Variants in UNC45B observed in about 807,000 individuals in gnomAD.
The protein encoded by UNC45B is unc-45 myosin chaperone B, also known as protein unc-45 homolog B.
In UNC45B, 78 loss-of-function variants were observed where a neutral mutation model predicts 98.7. That is an observed-to-expected ratio of 0.79 (90% CI 0.66 to 0.95). The LOEUF (loss-of-function observed/expected upper bound fraction) is 0.95. UNC45B is among the 40% of genes least tolerant of loss of function. The pLI is 0.00. For synonymous variants in UNC45B, 462 were observed against 480.4 expected (o/e 0.96, Z 0.50); for missense variants, 1,225 against 1,184.9 (o/e 1.03, Z -0.50).
intron 6 of UNC45B, 77 bp downstream of exon 6, chr17:35,154,818 C>A: frequency 2.1e-6 from 3 of 1,430,244 alleles, no homozygotes; most frequent in Non-Finnish European, 2.8e-6. Context: ...GTGGTCAGGG[C>A]TGTGGCTGGC....
rs1315763485 is a variant in UNC45B, at chr17:35,170,254, A to G, written c.1688A>G (p.Lys563Arg). Residue 563 changes from lysine to arginine, a missense_variant and splice_region_variant, in exon 12 of 20, where the codon AAG becomes AGG. Transcript: ENST00000394570. Reference protein sequence around the residue: ...PALQAMFELAKTSDKTILYSV... With the variant: ...PALQAMFELARTSDKTILYSV... ...CTGCAGGCCATGTTTGAGCTGGCCA[A>G]GGCAGGTGTCGGGGAGTCTGGCCCG... 6.2e-7 allele frequency: 1 copy of G among 1,605,382 alleles called. No homozygotes were observed. The highest frequency in any genetic ancestry group is 2.2e-5 in the East Asian group (1 of 44,676).
rs202019100 is a variant in UNC45B, at chr17:35,186,471, C to T, written c.2702C>T (p.Pro901Leu). Residue 901 changes from proline to leucine, a missense_variant, in exon 20 of 20, where the codon CCA becomes CTA. By Grantham distance (98) the Pro-to-Leu change is moderately conservative. Transcript: ENST00000394570. ...EILTVVGKQE[P>L]DEKKAEVVQT... ...CTGACTGTGGTGGGCAAACAGGAGC[C>T]AGATGAGAAGAAGGCAGAAGTGGTT... 6.8e-6 allele frequency: 11 copies of T among 1,614,160 alleles called. No homozygotes were observed. The East Asian group carries it at 2.2e-4, about 33-fold the overall frequency.
At chr17:35,173,937 G>A (rs1018005680) in intron 13 of UNC45B, among the ~76,000 whole-genome samples, 1 of 151,054 alleles carries the variant, frequency 6.6e-6, no homozygotes, top group East Asian at 2.0e-4. Context: ...TCAGCCTCCT[G>A]AGCAGCTGGG....
At chr17:35,148,217 G>T (rs371555032) in intron 1 of UNC45B, 47 bp from the exon 2 acceptor site, 145 of 1,607,942 alleles carry the variant, frequency 9.0e-5, no homozygotes, top group Non-Finnish European at 1.1e-4. Context: ...CCAGCCCTGG[G>T]TCTGCAGTGA....
rs2092313592 is a variant in UNC45B at position 35,187,953 on chromosome 17, C to A, written c.*1394C>A. On this transcript the variant is annotated 3_prime_UTR_variant, in exon 20 of 20. Transcript: ENST00000394570. ...TACGGTCCTTGATAAAAACAATTTA[C>A]AACGTTCCGTTGTGTAATAAATGTA... 1 of 152,202 alleles carries A rather than the reference C, an allele frequency of 6.6e-6. No homozygotes were observed. The highest frequency in any genetic ancestry group is 1.5e-5 in the Non-Finnish European group (1 of 68,042). 9.4% of individuals were successfully genotyped at this position (152,202 alleles called of 1,614,324 possible). A position where few individuals can be genotyped will look rare whatever the true frequency, so the allele number is the denominator to read the frequency against.
chr17:35,155,762 GT>G (rs2092056497), intron 7 of UNC45B, among the ~76,000 whole-genome samples: 1 of 152,098 alleles, frequency 6.6e-6, no homozygotes, highest in Non-Finnish European at 1.5e-5. Context: ...TAGAGACAGG[GT>G]TTCTTCATGT....
intron 7 of UNC45B, among the ~76,000 whole-genome samples, chr17:35,158,377 C>T (rs577849330): frequency 6.6e-6 from 1 of 152,288 alleles, no homozygotes; most frequent in South Asian, 2.1e-4. Context: ...TTCTATAGAA[C>T]ATGGTGGCTG....
At position 35,150,897 on chromosome 17, in the gene UNC45B, G is replaced by C. The variant is rs897766355; in HGVS notation, c.381+674G>C. 7.9e-5 allele frequency among the ~76,000 whole-genome samples: 12 copies of C among 152,202 alleles called. No homozygotes were observed. In the East Asian group the frequency reaches 2.3e-3, roughly 29 times the overall value. On this transcript the variant is annotated intron_variant, in intron 4 of 19. Coordinates refer to ENST00000394570, the MANE Select transcript of UNC45B (RefSeq NM_001267052.2). ...AGACATCGATGAGGGATAGAGGAGA[G>C]CCAGGCCCCATTAGGAGCATGATTG...
rs7210321 is a variant in UNC45B at position 35,173,969 on chromosome 17, G to A, written c.1831-273G>A. Among the ~76,000 whole-genome samples, 56,000 of 151,636 alleles carry A rather than the reference G, an allele frequency of 0.37. 10,439 individuals carry two copies. The highest frequency in any genetic ancestry group is 0.42 in the Middle Eastern group (124 of 292). On this transcript the variant is annotated intron_variant, in intron 13 of 19. Transcript: ENST00000394570. ...TGGGACTACAGGTGCCCGCCACCAC[G>A]CCTGGCTCATTTTTTGTATTTTCAG...
chr17:35,164,280 C>G, intron 9 of UNC45B, 114 bp downstream of exon 9: 2 of 1,300,514 alleles, frequency 1.5e-6, no homozygotes, highest in Non-Finnish European at 1.0e-6. Context: ...TATCTCACAC[C>G]AGAACAGAAA....
chr17:35,174,546 G>A (rs772956385), intron 14 of UNC45B, among the ~76,000 whole-genome samples, 177 bp downstream of exon 14: 2 of 152,166 alleles, frequency 1.3e-5, no homozygotes, highest in Non-Finnish European at 2.9e-5. Flanking sequence ...GGGACCAGGG[G>A]TGGTGGCTCA....
chr17:35,148,437 G>C lies in UNC45B; in HGVS notation c.168+6G>C, dbSNP rs1003502514. ...CAGCCTGTGGCCTGAAAACGGTCTG[G>C]GGCAGGGCAGGGCACAGGGTGGGAG... On this transcript the variant is annotated splice_donor_region_variant and intron_variant, in intron 2 of 19. Coordinates refer to ENST00000394570, the MANE Select transcript of UNC45B (RefSeq NM_001267052.2). The C allele has an allele frequency of 1.2e-6, 2 of 1,612,846 alleles. No individual in the cohort carries two copies. The highest frequency in any genetic ancestry group is 1.3e-5 in the African/African-American group (1 of 74,904).
At position 35,148,435 on chromosome 17, in the gene UNC45B, T is replaced by G; in HGVS notation, c.168+4T>G. 6.2e-7 allele frequency: 1 copy of G among 1,613,406 alleles called. No homozygotes were observed. The highest frequency in any genetic ancestry group is 8.5e-7 in the Non-Finnish European group (1 of 1,179,812). ...GGCAGCCTGTGGCCTGAAAACGGTC[T>G]GGGGCAGGGCAGGGCACAGGGTGGG... is the stretch of plus-strand genomic sequence containing the variant. On this transcript the variant is annotated splice_donor_region_variant and intron_variant, in intron 2 of 19. Transcript: ENST00000394570.
At chr17:35,166,111 A>AAAAAAAG in intron 9 of UNC45B, among the ~76,000 whole-genome samples, 1 of 122,238 alleles carries the variant, frequency 8.2e-6, no homozygotes, top group East Asian at 2.2e-4. Context: ...AAAAAAAAAA[A>AAAAAAAG]TTAAAAATGA....
intron 12 of UNC45B, 96 bp from the exon 13 acceptor site, chr17:35,171,226 C>T (rs570401987): frequency 6.6e-7 from 1 of 1,523,936 alleles, no homozygotes. Context: ...TCCTCCGACA[C>T]CAACCTGCCG....
chr17:35,150,265 C>T (rs1209557779), intron 4 of UNC45B, 42 bp downstream of exon 4: 1 of 1,573,516 alleles, frequency 6.4e-7, no homozygotes, highest in South Asian at 1.2e-5. Flanking sequence ...TGCCCAGCCC[C>T]TCTCTTCATT....
intron 5 of UNC45B, among the ~76,000 whole-genome samples, chr17:35,153,288 G>A (rs1368949762): frequency 2.6e-5 from 4 of 152,068 alleles, no homozygotes; most frequent in African/African-American, 4.8e-5. Context: ...ATTATTATTC[G>A]ATTATTGAGT....
At position 35,176,016 on chromosome 17, in the gene UNC45B, G is replaced by A. The variant is rs748759864; in HGVS notation, c.2007G>A (p.Val669=). Residue 669 remains valine (V), a synonymous_variant, in exon 15 of 20, where the codon GTG becomes GTA. Coordinates refer to ENST00000394570, the MANE Select transcript of UNC45B (RefSeq NM_001267052.2). Reference sequence around the variant, plus strand: ...ACCCAAAGGACCGAGGCACCATTGTGGCTCAAGGTGGTGGCAAGGTAACTG... The same window carrying A: ...ACCCAAAGGACCGAGGCACCATTGTAGCTCAAGGTGGTGGCAAGGTAACTG... ...CDNPKDRGTI[V]AQGGGKALIP... 2 of 1,614,144 alleles carry A rather than the reference G, an allele frequency of 1.2e-6. No individual in the cohort carries two copies. The highest frequency in any genetic ancestry group is 1.7e-6 in the Non-Finnish European group (2 of 1,180,026).
At chr17:35,166,542 G>T (rs1420674116) in intron 9 of UNC45B, among the ~76,000 whole-genome samples, 1 of 152,182 alleles carries the variant, frequency 6.6e-6, no homozygotes, top group Non-Finnish European at 1.5e-5. Flanking sequence ...GAGAGGAGGG[G>T]TCACTGCCTT....
Sources: allele counts gnomAD v4.1 joint callset (sites outside exome capture counted in the v4.1 genomes callset), GRCh38; gene constraint gnomAD v4.1.1; transcripts MANE v1.5; gene names NCBI Gene and HGNC (gene_info 2026-07-23, HGNC 2026-07-21).